FSTL5: variants seen among roughly 807,000 people sequenced by gnomAD.
The protein encoded by FSTL5 is follistatin-related protein 5.
A neutral mutation model predicts 89.1 loss-of-function variants in FSTL5; 62 were observed. The ratio of observed to expected loss-of-function variants is 0.70; its 90% CI spans 0.57 to 0.86. The LOEUF is 0.86. FSTL5 is among the 40% of genes least tolerant of loss of function. The pLI, the probability that FSTL5 is intolerant of heterozygous loss-of-function variation, is 0.00. For synonymous variants in FSTL5, 383 were observed against 346.2 expected (o/e 1.11, Z -1.18); for missense variants, 1,057 against 1,001.6 (o/e 1.06, Z -0.75).
At chr4:161,933,922 G>C (rs1287062151) in intron 3 of FSTL5, among the ~76,000 whole-genome samples, 2 of 152,036 alleles carry the variant, frequency 1.3e-5, no homozygotes, top group Non-Finnish European at 2.9e-5. Flanking sequence ...AGCTCTTTAA[G>C]TGGTAGCACT....
chr4:161,609,457 A>G (rs1734566061), intron 7 of FSTL5, among the ~76,000 whole-genome samples: 1 of 152,090 alleles, frequency 6.6e-6, no homozygotes, highest in Non-Finnish European at 1.5e-5. Context: ...CAATTTCCAA[A>G]CCAACAAATA....
intron 1 of FSTL5, among the ~76,000 whole-genome samples, chr4:162,134,543 C>T (rs567575908): frequency 6.6e-6 from 1 of 152,038 alleles, no homozygotes; most frequent in African/African-American, 2.4e-5. Context: ...CTTAATAACT[C>T]TTTGGTTTCC....
intron 7 of FSTL5, among the ~76,000 whole-genome samples, chr4:161,638,106 T>G (rs1393228382): frequency 7.0e-6 from 1 of 142,330 alleles, no homozygotes; most frequent in Non-Finnish European, 1.6e-5. Flanking sequence ...GCATGGAATG[T>G]TCTTCCATTT....
chr4:162,140,389 G>A (rs1450596657), intron 1 of FSTL5, among the ~76,000 whole-genome samples: 1 of 140,514 alleles, frequency 7.1e-6, no homozygotes, highest in Non-Finnish European at 1.6e-5. Context: ...TAATTTAGTG[G>A]ATAAGGAAAC....
At chr4:161,422,103 A>ATGT (rs1553984720) in intron 15 of FSTL5, among the ~76,000 whole-genome samples, 1 of 151,830 alleles carries the variant, frequency 6.6e-6, no homozygotes, top group Non-Finnish European at 1.5e-5. Flanking sequence ...TTTATTATGT[A>ATGT]TATTATATAG....
intron 3 of FSTL5, among the ~76,000 whole-genome samples, chr4:161,970,267 A>T (rs1467263574): frequency 6.6e-6 from 1 of 152,132 alleles, no homozygotes; most frequent in Non-Finnish European, 1.5e-5. Context: ...AAGGATTTAA[A>T]ATCACAGGAC....
intron 1 of FSTL5, among the ~76,000 whole-genome samples, chr4:162,130,686 C>G (rs1196894020): frequency 1.3e-5 from 2 of 151,938 alleles, no homozygotes; most frequent in Non-Finnish European, 2.9e-5. Flanking sequence ...ATTTGAGGCT[C>G]TATATTACAT....
chr4:161,936,000 T>C (rs954357011), intron 3 of FSTL5, among the ~76,000 whole-genome samples: 2 of 152,144 alleles, frequency 1.3e-5, no homozygotes, highest in African/African-American at 4.8e-5. Context: ...CTGGCCAACA[T>C]GGTGAAACCC....
intron 2 of FSTL5, among the ~76,000 whole-genome samples, chr4:162,075,853 G>A (rs1311311009): frequency 6.6e-6 from 1 of 151,862 alleles, no homozygotes; most frequent in African/African-American, 2.4e-5. Context: ...TGTCAGTTGA[G>A]TCATTCTGGA....
At chr4:161,573,918 C>G (rs551193072) in intron 8 of FSTL5, among the ~76,000 whole-genome samples, 1 of 152,194 alleles carries the variant, frequency 6.6e-6, no homozygotes, top group Non-Finnish European at 1.5e-5. Context: ...ATCAGTTTCA[C>G]TGAACTAAAG....
chr4:161,701,244 T>C (rs1246750427), intron 6 of FSTL5, among the ~76,000 whole-genome samples: 1 of 152,194 alleles, frequency 6.6e-6, no homozygotes, highest in Non-Finnish European at 1.5e-5. Flanking sequence ...TTGATGCGTT[T>C]TGACGCATTC....
At chr4:161,426,142 T>C (rs975732696) in intron 15 of FSTL5, among the ~76,000 whole-genome samples, 4 of 151,894 alleles carry the variant, frequency 2.6e-5, no homozygotes, top group African/African-American at 9.7e-5. Context: ...TGCATATTAT[T>C]CATTATATAT....
chr4:162,042,618 A>T (rs894476898), intron 2 of FSTL5, among the ~76,000 whole-genome samples: 1 of 152,128 alleles, frequency 6.6e-6, no homozygotes, highest in Non-Finnish European at 1.5e-5. Flanking sequence ...AATAGTGAAA[A>T]GGGAAATTAT....
At chr4:161,847,506 C>T (rs182944132) in intron 4 of FSTL5, among the ~76,000 whole-genome samples, 2 of 152,242 alleles carry the variant, frequency 1.3e-5, no homozygotes, top group Admixed American at 6.5e-5. Context: ...AGAGCTGGCT[C>T]TCCAAAGCAC....
At chr4:161,834,919 C>T (rs1474039066) in intron 4 of FSTL5, among the ~76,000 whole-genome samples, 2 of 150,738 alleles carry the variant, frequency 1.3e-5, no homozygotes, top group Non-Finnish European at 2.9e-5. Context: ...ATCAAGCTAC[C>T]AATGACTTTC....
chr4:161,601,109 G>A (rs1312203795), intron 7 of FSTL5, among the ~76,000 whole-genome samples: 1 of 151,964 alleles, frequency 6.6e-6, no homozygotes, highest in African/African-American at 2.4e-5. Flanking sequence ...ATAAAACCCT[G>A]GGAGCACAGA....
At chr4:162,124,591 A>G (rs949220738) in intron 1 of FSTL5, among the ~76,000 whole-genome samples, 7 of 152,248 alleles carry the variant, frequency 4.6e-5, no homozygotes, top group African/African-American at 1.7e-4. Context: ...GAGATAATCT[A>G]TTGAAAAATG....
chr4:161,664,897 G>T (rs1160043960), intron 6 of FSTL5: 2 of 190,672 alleles, frequency 1.0e-5, no homozygotes, highest in Admixed American at 5.9e-5. Context: ...GAGAAAATGA[G>T]GAAGAAGCAA....
chr4:161,587,532 G>A lies in FSTL5; in HGVS notation c.938C>T (p.Thr313Ile), dbSNP rs780184741. Reference protein sequence around the residue: ...DGSLYITKVTTTHVGNYTCYA... With the variant: ...DGSLYITKVTITHVGNYTCYA... ...GCAGGTGTAATTGCCAACGTGAGTT[G>A]TGGTAACCTTAGTAATATACAAGGA... The change falls in exon 8 of 16, where the codon ACA becomes ATA. Residue 313 changes from threonine to isoleucine, a missense_variant. Thr to Ile is a moderately conservative substitution (Grantham distance 89). Coordinates refer to ENST00000306100, the MANE Select transcript of FSTL5 (RefSeq NM_020116.5). The A allele has an allele frequency of 6.2e-7, 1 of 1,611,206 alleles. No individual in the cohort carries two copies. The highest frequency in any genetic ancestry group is 8.5e-7 in the Non-Finnish European group (1 of 1,177,678).
Sources: allele counts gnomAD v4.1 joint callset (sites outside exome capture counted in the v4.1 genomes callset), GRCh38; gene constraint gnomAD v4.1.1; transcripts MANE v1.5; gene names NCBI Gene and HGNC (gene_info 2026-07-23, HGNC 2026-07-21).